PTPRM: variants seen among roughly 807,000 people sequenced by gnomAD.
PTPRM encodes protein tyrosine phosphatase receptor type M, also known as receptor-type tyrosine-protein phosphatase mu.
In PTPRM, 47 loss-of-function variants were observed where a neutral mutation model predicts 186.7. The observed-to-expected ratio is 0.25, with a 90% CI of 0.20 to 0.32. PTPRM has a LOEUF of 0.32. PTPRM is among the 10% of genes least tolerant of loss of function. The probability of loss-of-function intolerance (pLI) is 1.00; values close to 1 mark genes in which losing one functional copy is unlikely to be tolerated. For missense variants in PTPRM, 1,494 were observed against 1,865.0 expected (o/e 0.80, Z 3.66); for synonymous variants, 668 against 674.9 (o/e 0.99, Z 0.16).
chr18:7,972,262 G>A (rs2054577460), intron 7 of PTPRM, among the ~76,000 whole-genome samples: 1 of 129,670 alleles, frequency 7.7e-6, no homozygotes, highest in African/African-American at 3.6e-5. Flanking sequence ...ATTGAACAAT[G>A]AGATCACATG....
At chr18:8,240,498 A>G (rs865928071) in intron 14 of PTPRM, among the ~76,000 whole-genome samples, 34 of 22,336 alleles carry the variant, frequency 1.5e-3, no homozygotes, top group African/African-American at 0.011. Flanking sequence ...AGAGAGAGAG[A>G]GAGGAAGGAA....
At chr18:8,258,213 G>C (rs1450863313) in intron 19 of PTPRM, among the ~76,000 whole-genome samples, 4 of 152,174 alleles carry the variant, frequency 2.6e-5, no homozygotes, top group Non-Finnish European at 4.4e-5. Flanking sequence ...GAGCTGCCTG[G>C]TTCCTCTGAC....
chr18:7,945,323 G>A (rs2052450657), intron 5 of PTPRM, among the ~76,000 whole-genome samples: 1 of 151,510 alleles, frequency 6.6e-6, no homozygotes, highest in African/African-American at 2.4e-5. Flanking sequence ...AATTATCCAG[G>A]CATGGTGGCG....
chr18:7,949,407 G>A, intron 6 of PTPRM, 52 bp downstream of exon 6: 1 of 1,473,946 alleles, frequency 6.8e-7, no homozygotes, highest in Admixed American at 1.8e-5. Flanking sequence ...GATATGTTAG[G>A]TGTTGTTAGT....
intron 7 of PTPRM, among the ~76,000 whole-genome samples, chr18:8,029,718 G>A (rs951172320): frequency 6.6e-6 from 1 of 152,214 alleles, no homozygotes; most frequent in African/African-American, 2.4e-5. Context: ...AGTAGAGATT[G>A]TGTCTTATAT....
intron 14 of PTPRM, among the ~76,000 whole-genome samples, chr18:8,166,258 G>T (rs1276082085): frequency 6.6e-6 from 1 of 152,156 alleles, no homozygotes; most frequent in African/African-American, 2.4e-5. Flanking sequence ...CATTACTGAG[G>T]CAAGGAACAA....
At chr18:7,946,586 G>A (rs1461938391) in intron 5 of PTPRM, among the ~76,000 whole-genome samples, 1 of 152,096 alleles carries the variant, frequency 6.6e-6, no homozygotes, top group East Asian at 1.9e-4. Context: ...TCTATGGAAA[G>A]CAGAGAGGAA....
chr18:8,387,885 C>G (rs1047713060), intron 31 of PTPRM, among the ~76,000 whole-genome samples: 3 of 152,078 alleles, frequency 2.0e-5, no homozygotes, highest in Admixed American at 1.3e-4. Flanking sequence ...ATGGGCACCC[C>G]TGCTACACAT....
At chr18:7,825,189 C>A (rs1389318563) in intron 2 of PTPRM, among the ~76,000 whole-genome samples, 2 of 151,996 alleles carry the variant, frequency 1.3e-5, no homozygotes, top group Non-Finnish European at 2.9e-5. Context: ...TGCAATTGTC[C>A]GAAAGAGGAA....
At chr18:7,758,758 T>TCTCTC (rs1432931981) in intron 1 of PTPRM, among the ~76,000 whole-genome samples, 1 of 152,186 alleles carries the variant, frequency 6.6e-6, no homozygotes, top group African/African-American at 2.4e-5. Context: ...GTGATAAACA[T>TCTCTC]CTCTCTGAAG....
At chr18:7,871,810 A>C (rs2047997611) in intron 2 of PTPRM, among the ~76,000 whole-genome samples, 1 of 152,186 alleles carries the variant, frequency 6.6e-6, no homozygotes, top group Non-Finnish European at 1.5e-5. Flanking sequence ...CACCTGACTT[A>C]AGAATGGGGC....
At position 8,259,239 on chromosome 18, in the gene PTPRM, G is replaced by T. The variant is rs1601519179; in HGVS notation, c.2754+5825G>T. 2.0e-5 allele frequency among the ~76,000 whole-genome samples: 3 copies of T among 152,314 alleles called. No homozygotes were observed. In the Middle Eastern group the frequency reaches 0.01, roughly 518 times the overall value. ...ACTAGGATTATAGGCATGAGCTGCT[G>T]TGCTCGGCCCCACCTACTTTTCTTA... On this transcript the variant is annotated intron_variant, in intron 19 of 32. Transcript: ENST00000580170.
chr18:7,675,255 T>C (rs1186375883), intron 1 of PTPRM, among the ~76,000 whole-genome samples: 4 of 152,242 alleles, frequency 2.6e-5, no homozygotes, highest in Non-Finnish European at 4.4e-5. Context: ...CCTTCTTTAA[T>C]GTTTTAAAAA....
At chr18:7,743,328 G>A (rs2040920701) in intron 1 of PTPRM, among the ~76,000 whole-genome samples, 2 of 152,180 alleles carry the variant, frequency 1.3e-5, no homozygotes, top group South Asian at 4.1e-4. Flanking sequence ...AGTGTATCAT[G>A]TTACATACAT....
At chr18:7,833,311 T>C (rs763551697) in intron 2 of PTPRM, among the ~76,000 whole-genome samples, 5 of 152,206 alleles carry the variant, frequency 3.3e-5, no homozygotes, top group African/African-American at 4.8e-5. Context: ...TTTATAGTTT[T>C]CATTGTAGAG....
At chr18:8,038,643 C>T (rs1472203030) in intron 7 of PTPRM, among the ~76,000 whole-genome samples, 2 of 152,164 alleles carry the variant, frequency 1.3e-5, no homozygotes, top group African/African-American at 2.4e-5. Flanking sequence ...TCACCCACCT[C>T]GGACTTTCAA....
chr18:8,089,348 T>G (rs987829244), intron 11 of PTPRM, among the ~76,000 whole-genome samples: 1 of 152,238 alleles, frequency 6.6e-6, no homozygotes, highest in African/African-American at 2.4e-5. Flanking sequence ...CATTGTGAAG[T>G]CTTTATCTGA....
intron 1 of PTPRM, among the ~76,000 whole-genome samples, chr18:7,666,958 G>T (rs2039110251): frequency 6.6e-6 from 1 of 152,150 alleles, no homozygotes; most frequent in African/African-American, 2.4e-5. Flanking sequence ...TGCCACTCCA[G>T]GCCATGTTTC....
At chr18:8,096,682 C>T (rs770912167) in intron 11 of PTPRM, among the ~76,000 whole-genome samples, 3 of 152,178 alleles carry the variant, frequency 2.0e-5, no homozygotes, top group Non-Finnish European at 4.4e-5. Context: ...CATTTGCTCT[C>T]GGGAACCCTT....
Sources: gnomAD v4.1 joint callset for allele counts (sites outside exome capture counted in the v4.1 genomes callset) on GRCh38, gnomAD v4.1.1 for gene constraint, MANE v1.5 for transcripts, NCBI Gene and HGNC (gene_info 2026-07-23, HGNC 2026-07-21) for gene names.